The following FAM185A variants were observed in gnomAD, a reference collection of about 807,000 sequenced individuals.
FAM185A encodes family with sequence similarity 185 member A, also known as protein FAM185A.
Under a neutral mutation model 45.7 loss-of-function variants are expected in FAM185A, and 21 were observed. The ratio of observed to expected loss-of-function variants is 0.46; its 90% CI spans 0.33 to 0.66. The LOEUF is 0.66. Among genes scored for constraint, FAM185A ranks in the 30% least tolerant of loss-of-function variants. The probability of loss-of-function intolerance (pLI) is 0.03; values close to 1 mark genes in which losing one functional copy is unlikely to be tolerated. For synonymous variants in FAM185A, 117 were observed against 194.0 expected (o/e 0.60, Z 3.30); for missense variants, 305 against 485.4 (o/e 0.63, Z 3.49).
At chr7:102,826,770 T>TATATATATATATATA in the FAM185A span, among the ~76,000 whole-genome samples, 1 of 98,982 alleles carries the variant, frequency 1.0e-5, no homozygotes, top group South Asian at 2.7e-4. Context: ...TATATATATA[T>TATATATATATATATA]ATGTATATAT....
intron 7 of FAM185A, among the ~76,000 whole-genome samples, chr7:102,807,419 G>A (rs1797186288): frequency 1.3e-5 from 2 of 152,048 alleles, no homozygotes; most frequent in South Asian, 4.1e-4. Context: ...AATAATATAT[G>A]TTGAGCATTC....
intron 3 of FAM185A, among the ~76,000 whole-genome samples, chr7:102,760,518 A>G (rs1404856554): frequency 6.6e-6 from 1 of 151,904 alleles, no homozygotes; most frequent in Non-Finnish European, 1.5e-5. Context: ...AAACCTATTC[A>G]TGATTTAAAT....
chr7:102,798,459 C>G (rs7778519), intron 7 of FAM185A, among the ~76,000 whole-genome samples: 68,313 of 151,634 alleles, frequency 0.45, 17,057 homozygotes, highest in African/African-American at 0.68. Flanking sequence ...GCTGAAATTG[C>G]TTGTGTGTTC....
chr7:102,789,595 G>A (rs1400420981), intron 7 of FAM185A, among the ~76,000 whole-genome samples: 1 of 152,284 alleles, frequency 6.6e-6, no homozygotes, highest in African/African-American at 2.4e-5. Flanking sequence ...TGTAATCTCA[G>A]CTACTCAGGA....
chr7:102,804,285 C>T (rs1796972715), intron 7 of FAM185A, among the ~76,000 whole-genome samples: 2 of 152,306 alleles, frequency 1.3e-5, no homozygotes, highest in East Asian at 1.9e-4. Context: ...TCAAACTATA[C>T]TTTAAGGCCA....
intron 6 of FAM185A, among the ~76,000 whole-genome samples, chr7:102,783,626 G>C (rs1393429215): frequency 6.6e-6 from 1 of 151,988 alleles, no homozygotes; most frequent in Admixed American, 6.5e-5. Context: ...CAACATACCA[G>C]AATCTCTGGT....
At chr7:102,839,467 C>T in the FAM185A span, among the ~76,000 whole-genome samples, 5 of 152,298 alleles carry the variant, frequency 3.3e-5, no homozygotes, top group African/African-American at 4.8e-5. Flanking sequence ...TCCCACCTGA[C>T]GAGAAATACC....
rs577846844 is a variant in FAM185A at position 102,761,584 on chromosome 7, T to C, written c.793+173T>C. Among the ~76,000 whole-genome samples the C allele has an allele frequency of 3.3e-5, 5 of 151,766 alleles. No individual in the cohort carries two copies. The East Asian group carries it at 9.7e-4, about 29-fold the overall frequency. On this transcript the variant is annotated intron_variant, in intron 4 of 7. Coordinates refer to ENST00000413034, the MANE Select transcript of FAM185A (RefSeq NM_001145268.2). ...AAAATAAAATGACTCATAAAGCTAA[T>C]TTAATTTTATTTGTGCAAGAGATTA... is the stretch of plus-strand genomic sequence containing the variant.
chr7:102,801,754 G>C (rs1796804488), intron 7 of FAM185A, among the ~76,000 whole-genome samples: 1 of 151,994 alleles, frequency 6.6e-6, no homozygotes, highest in South Asian at 2.1e-4. Context: ...GTGAAACCCT[G>C]TCTCTACTAA....
chr7:102,818,883 G>T, the FAM185A span, among the ~76,000 whole-genome samples: 3 of 152,060 alleles, frequency 2.0e-5, no homozygotes, highest in South Asian at 6.2e-4. Context: ...TTGCTGCACA[G>T]ATCATTCCAT....
the FAM185A span, among the ~76,000 whole-genome samples, chr7:102,831,394 G>GACACACAC: frequency 0.013 from 1,902 of 141,614 alleles, 30 homozygotes; most frequent in African/African-American, 0.039. Context: ...CAGTGCCCGG[G>GACACACAC]ACACACACAC....
chr7:102,778,650 T>C (rs1252064782), intron 6 of FAM185A, among the ~76,000 whole-genome samples: 15 of 152,160 alleles, frequency 9.9e-5, no homozygotes, highest in South Asian at 2.1e-4. Flanking sequence ...TTTGAAACTA[T>C]TGAAATAGTA....
intron 5 of FAM185A, among the ~76,000 whole-genome samples, chr7:102,772,961 G>T (rs1794845752): frequency 1.3e-5 from 2 of 152,046 alleles, no homozygotes; most frequent in Admixed American, 6.6e-5. Context: ...GCCCTGGGAA[G>T]AAAGACAACA....
At chr7:102,826,225 C>G in the FAM185A span, among the ~76,000 whole-genome samples, 3 of 152,072 alleles carry the variant, frequency 2.0e-5, no homozygotes, top group African/African-American at 7.2e-5. Flanking sequence ...AAGAAAAAAC[C>G]CGCCTTGAAG....
In FAM185A at chr7:102,782,256, T is replaced by C. The variant is rs572125408; in HGVS notation, c.931+4908T>C. Among the ~76,000 whole-genome samples the C allele has an allele frequency of 1.1e-4, 17 of 152,266 alleles. No homozygotes were observed. The East Asian group carries it at 3.3e-3, about 29-fold the overall frequency. ...ATATTATCCAGGAGAACTTCCCCAG[T>C]CTAGCAAGGCAGGCCAACATTCAGA... is the stretch of plus-strand genomic sequence containing the variant. On this transcript the variant is annotated intron_variant, in intron 6 of 7. Transcript: ENST00000413034.
intron 5 of FAM185A, among the ~76,000 whole-genome samples, chr7:102,776,116 A>ACATATACACACACACAC (rs1198677194): frequency 3.8e-4 from 48 of 126,562 alleles, no homozygotes; most frequent in South Asian, 1.0e-3. Context: ...ACACACACAC[A>ACATATACACACACACAC]AATGTTTTCT....
At chr7:102,848,671 C>G in the FAM185A span, among the ~76,000 whole-genome samples, 4,640 of 141,272 alleles carry the variant, frequency 0.033, 201 homozygotes, top group East Asian at 0.18. Context: ...AAAGAGGAAT[C>G]AGAAATGCAA....
intron 3 of FAM185A, among the ~76,000 whole-genome samples, chr7:102,758,427 C>A (rs6945867): frequency 0.12 from 5,319 of 45,812 alleles, 801 homozygotes; most frequent in Middle Eastern, 0.25. Context: ...GCTCTCACAG[C>A]TTTTTTTTTT....
At chr7:102,813,526 G>A (rs1797589382), downstream of FAM185A, 5 of 1,613,666 alleles carry the variant, frequency 3.1e-6, no homozygotes, top group Non-Finnish European at 4.2e-6. Context: ...TCTTTGAGCT[G>A]CCTTCCTGTA....
Sources: gnomAD v4.1 joint callset for allele counts (sites outside exome capture counted in the v4.1 genomes callset) on GRCh38, gnomAD v4.1.1 for gene constraint, MANE v1.5 for transcripts, NCBI Gene and HGNC (gene_info 2026-07-23, HGNC 2026-07-21) for gene names.